MOK: variants seen among roughly 807,000 people sequenced by gnomAD.
MOK encodes the protein MAPK/MAK/MRK overlapping kinase.
A neutral mutation model predicts 54.2 loss-of-function variants in MOK; 59 were observed. That is an observed-to-expected ratio of 1.09 (90% CI 0.88 to 1.35). The LOEUF (loss-of-function observed/expected upper bound fraction) is 1.35, where lower values mean the gene tolerates loss of function less well. Ranked by LOEUF, MOK falls within the 40% of genes most tolerant of loss-of-function variation. MOK has a pLI of 0.00. For missense variants in MOK, 517 were observed against 526.2 expected (o/e 0.98, Z 0.17); for synonymous variants, 210 against 202.7 (o/e 1.04, Z -0.31).
Position 102,229,332 on chromosome 14 carries a change from T to G in MOK, c.1217A>C (p.Gln406Pro). The change falls in exon 12 of 12, where the codon CAG becomes CCG. Residue 406 changes from glutamine to proline, a missense_variant. By Grantham distance (76) the Gln-to-Pro change is moderately conservative. Transcript: ENST00000361847. ...CACTATGGTGGGCAGGCGACACTGC[T>G]GCGGGGCAGGCTTAAGGTCCTTCTG... Reference protein sequence around the residue: ...DPQKDLKPAPQQCRLPTIVRK... With the variant: ...DPQKDLKPAPPQCRLPTIVRK... 1.2e-6 allele frequency: 2 copies of G among 1,613,948 alleles called. No homozygotes were observed. The highest frequency in any genetic ancestry group is 8.5e-7 in the Non-Finnish European group (1 of 1,179,886).
chr14:102,276,437 C>G (rs1198011224), intron 2 of MOK, among the ~76,000 whole-genome samples: 1 of 150,944 alleles, frequency 6.6e-6, no homozygotes, highest in Non-Finnish European at 1.5e-5. Context: ...TGCATTGAGC[C>G]GAGATAGCCA....
At chr14:102,283,791 G>A (rs1482991199) in intron 1 of MOK, among the ~76,000 whole-genome samples, 199 bp from the exon 2 acceptor site, 1 of 152,094 alleles carries the variant, frequency 6.6e-6, no homozygotes, top group Non-Finnish European at 1.5e-5. Context: ...TCCAGTCTGT[G>A]CCCTCCCTTG....
chr14:102,265,695 A>T (rs2067844331), intron 3 of MOK, 128 bp downstream of exon 3: 2 of 658,038 alleles, frequency 3.0e-6, no homozygotes, highest in Non-Finnish European at 5.2e-6. Flanking sequence ...GTGATGTAAG[A>T]TGAAGTAAAA....
intron 2 of MOK, among the ~76,000 whole-genome samples, chr14:102,277,007 C>G (rs2068932025): frequency 6.7e-6 from 1 of 149,780 alleles, no homozygotes; most frequent in South Asian, 2.1e-4. Flanking sequence ...GCCACTATGC[C>G]CTGGTCTTTT....
At position 102,240,377 on chromosome 14, in the gene MOK, C is replaced by G. The variant is rs1360448357; in HGVS notation, c.591-6588G>C. 6.4e-6 allele frequency: 1 copy of G among 156,902 alleles called. No individual in the cohort carries two copies. Among genetic ancestry groups the G allele is most frequent in the Non-Finnish European group, 1.4e-5 (1 of 71,940 alleles). The allele number at this position is 156,902 out of a possible 1,614,324, so 9.7% of individuals were successfully genotyped here. A position where few individuals can be genotyped will look rare whatever the true frequency, so the allele number is the denominator to read the frequency against. ...CTCCTTCGGGAGACCAGTCCCCTGT[C>G]CTTGCCCTCACTCCGTGAGGAGATC... On this transcript the variant is annotated intron_variant, in intron 7 of 11. Transcript: ENST00000361847. This position sits in a 1 kb window ranked among gnomAD's most constrained non-coding sequence, Gnocchi z 5.4.
chr14:102,216,787 G>A, the MOK span, among the ~76,000 whole-genome samples: 8 of 152,092 alleles, frequency 5.3e-5, no homozygotes, highest in African/African-American at 1.2e-4. Flanking sequence ...AAAATTAGCC[G>A]GGCGTGGTGG....
chr14:102,229,072 T>G lies in MOK; in HGVS notation c.*217A>C. ...ACGAAAATGAAAGAAAACCCTAGAA[T>G]GCGGTGGTTTTACAAGTATATTAGC... On this transcript the variant is annotated 3_prime_UTR_variant, in exon 12 of 12. Coordinates refer to ENST00000361847, the MANE Select transcript of MOK (RefSeq NM_014226.3). 1 of 512,080 alleles carries G rather than the reference T, an allele frequency of 2.0e-6. No individual in the cohort carries two copies. The highest frequency in any genetic ancestry group is 3.4e-6 in the Non-Finnish European group (1 of 294,288). The allele number at this position is 512,080 out of a possible 1,614,324, so 31.7% of individuals were successfully genotyped here. A position where few individuals can be genotyped will look rare whatever the true frequency, so the allele number is the denominator to read the frequency against.
At chr14:102,219,135 G>GGGCC in the MOK span, among the ~76,000 whole-genome samples, 1 of 152,242 alleles carries the variant, frequency 6.6e-6, no homozygotes, top group Non-Finnish European at 1.5e-5. Flanking sequence ...CCTTCCATGG[G>GGGCC]GGCCTAGGTG....
chr14:102,251,858 G>T (rs2066555952), intron 5 of MOK, 54 bp from the exon 6 acceptor site: 3 of 1,533,696 alleles, frequency 2.0e-6, no homozygotes, highest in African/African-American at 2.8e-5. Flanking sequence ...TCAAATTCTT[G>T]AATCTGAATG....
At chr14:102,273,733 G>C (rs1227589995) in intron 2 of MOK, among the ~76,000 whole-genome samples, 1 of 152,050 alleles carries the variant, frequency 6.6e-6, no homozygotes, top group Non-Finnish European at 1.5e-5. Flanking sequence ...GTTGCAGTGA[G>C]CTGAGATCAT....
At chr14:102,225,525 G>C (rs1046863904), downstream of MOK, 1 of 152,242 alleles carries the variant, frequency 6.6e-6, no homozygotes, top group African/African-American at 2.4e-5. Flanking sequence ...TGTTGGCCCC[G>C]AGATGGCATC....
rs10047840 is a variant in MOK at position 102,236,864 on chromosome 14, A to G, written c.591-3075T>C. 0.31 allele frequency among the ~76,000 whole-genome samples: 46,333 copies of G among 151,826 alleles called. 8,991 individuals are homozygous for G. The highest frequency in any genetic ancestry group is 0.56 in the African/African-American group (23,324 of 41,350). On this transcript the variant is annotated intron_variant, in intron 7 of 11. Coordinates refer to ENST00000361847, the MANE Select transcript of MOK (RefSeq NM_014226.3). The surrounding 1 kb of genome is among the most constrained non-coding windows in gnomAD (Gnocchi z 4.5). ...GCCAACACGTTCTTCATATAACACC[A>G]CCATCCTCCTGGTTAAAAAATCAGA... is the stretch of plus-strand genomic sequence containing the variant.
intron 4 of MOK, among the ~76,000 whole-genome samples, chr14:102,260,245 C>A (rs1351353999): frequency 6.6e-6 from 1 of 151,362 alleles, no homozygotes; most frequent in African/African-American, 2.4e-5. Flanking sequence ...ACTTGGGAGG[C>A]TGAGGCAGGA....
At chr14:102,251,442 A>G in intron 6 of MOK, 1 of 459,554 alleles carries the variant, frequency 2.2e-6, no homozygotes, top group Non-Finnish European at 4.2e-6. Context: ...AGTGAGACGG[A>G]CCTGAGCTCA....
chr14:102,287,558 G>A (rs1209791707), intron 1 of MOK, among the ~76,000 whole-genome samples: 1 of 152,148 alleles, frequency 6.6e-6, no homozygotes, highest in Non-Finnish European at 1.5e-5. Flanking sequence ...ACTAAAAGGT[G>A]ATCAAAAGAT....
intron 2 of MOK, among the ~76,000 whole-genome samples, chr14:102,272,704 G>A (rs1309622426): frequency 1.3e-5 from 2 of 152,116 alleles, no homozygotes; most frequent in Non-Finnish European, 2.9e-5. Context: ...GACAGAATTC[G>A]ATACCAATTC....
the MOK span, among the ~76,000 whole-genome samples, chr14:102,215,298 C>T: frequency 6.6e-6 from 1 of 152,176 alleles, no homozygotes; most frequent in Non-Finnish European, 1.5e-5. Flanking sequence ...GTAGAGGCTT[C>T]TGTTTAATGA....
chr14:102,293,150 GAACA>G (rs1435624009), intron 1 of MOK, among the ~76,000 whole-genome samples: 1 of 151,872 alleles, frequency 6.6e-6, no homozygotes, highest in Non-Finnish European at 1.5e-5. Flanking sequence ...AAAAACAAAT[GAACA>G]AACAAAAAAC....
chr14:102,243,624 T>C (rs2065880252), intron 7 of MOK, among the ~76,000 whole-genome samples: 1 of 152,240 alleles, frequency 6.6e-6, no homozygotes, highest in South Asian at 2.1e-4. Context: ...CTCCTTCAGC[T>C]GTACTCACTC....
Sources: gnomAD v4.1 joint callset for allele counts (sites outside exome capture counted in the v4.1 genomes callset) on GRCh38, gnomAD v4.1.1 for gene constraint, Gnocchi (gnomAD v3.1) non-coding constraint, MANE v1.5 for transcripts, NCBI Gene and HGNC (gene_info 2026-07-23, HGNC 2026-07-21) for gene names.